Variants in COL4A4 observed in about 807,000 individuals in gnomAD.
The protein encoded by COL4A4 is collagen alpha-4(IV) chain.
Under a neutral mutation model 192.9 loss-of-function variants are expected in COL4A4, and 105 were observed. That is an observed-to-expected ratio of 0.54 (90% confidence interval 0.46 to 0.64). The LOEUF (loss-of-function observed/expected upper bound fraction) is 0.64. COL4A4 is among the 30% of genes least tolerant of loss of function. The probability of loss-of-function intolerance (pLI) is 0.00; values close to 1 mark genes in which losing one functional copy is unlikely to be tolerated. For missense variants in COL4A4, 1,967 were observed against 2,169.3 expected, an observed-to-expected ratio of 0.91 and a Z score of 1.85; for synonymous variants, 762 against 769.9, an observed-to-expected ratio of 0.99 and a Z score of 0.17.
chr2:227,138,416 G>GAGGTCAGGAGATCGAGACCATC (rs1234255463), intron 4 of COL4A4, among the ~76,000 whole-genome samples: 1 of 152,114 alleles, frequency 6.6e-6, no homozygotes, highest in African/African-American at 2.4e-5. Flanking sequence ...GGCGGATCAT[G>GAGGTCAGGAGATCGAGACCATC]AGGTCAGGAG....
At chr2:227,012,090 C>T (rs1371615011) in intron 45 of COL4A4, 91 bp downstream of exon 45, 9 of 1,004,748 alleles carry the variant, frequency 9.0e-6, no homozygotes, top group Non-Finnish European at 1.4e-5. Flanking sequence ...GAATAGGATC[C>T]AGTTTGGAAA....
At chr2:227,063,489 A>C (rs1387184846) in intron 25 of COL4A4, among the ~76,000 whole-genome samples, 1 of 152,162 alleles carries the variant, frequency 6.6e-6, no homozygotes, top group Non-Finnish European at 1.5e-5. Context: ...TTCTGTTATC[A>C]AAACAAGAAC....
chr2:227,156,751 G>A (rs1324508109), intron 1 of COL4A4, among the ~76,000 whole-genome samples: 2 of 152,064 alleles, frequency 1.3e-5, no homozygotes. Flanking sequence ...GATAGGCAGT[G>A]ACCCTTGATA....
Position 227,106,514 on chromosome 2 carries a change from C to A in COL4A4, c.735+2067G>T, listed in dbSNP as rs149603483. On this transcript the variant is annotated intron_variant, in intron 12 of 47. Coordinates refer to ENST00000396625, the MANE Select transcript of COL4A4 (RefSeq NM_000092.5). The stretch of plus-strand genomic sequence containing the variant: ...GCAGTGTTTCTTAAAATGAGGTGGG[C>A]AAACATGCTCTAGAACATCTGAGAA... Among the ~76,000 whole-genome samples, 405 of 152,266 alleles carry A rather than the reference C, an allele frequency of 2.7e-3. 3 individuals carry two copies. Among genetic ancestry groups the A allele is most frequent in the African/African-American group, 8.6e-3 (359 of 41,546 alleles).
chr2:226,992,113 A>G, the COL4A4 span, among the ~76,000 whole-genome samples: 11 of 152,346 alleles, frequency 7.2e-5, no homozygotes, highest in East Asian at 3.9e-4. Flanking sequence ...GGAGAGAGGT[A>G]GTAGATCATA....
chr2:227,000,979 T>TGTAA (rs562312111), downstream of COL4A4, among the ~76,000 whole-genome samples: 86 of 152,318 alleles, frequency 5.6e-4, 1 homozygote, highest in Middle Eastern at 6.8e-3. Flanking sequence ...CACGTGGAAT[T>TGTAA]GTAAGTCCAA....
At chr2:227,151,981 T>G (rs904316139) in intron 1 of COL4A4, among the ~76,000 whole-genome samples, 9 of 152,216 alleles carry the variant, frequency 5.9e-5, no homozygotes, top group Admixed American at 5.2e-4. Flanking sequence ...TGAACTAACA[T>G]ATATACCAAG....
At chr2:227,155,921 C>A (rs1206168854) in intron 1 of COL4A4, among the ~76,000 whole-genome samples, 1 of 152,082 alleles carries the variant, frequency 6.6e-6, no homozygotes, top group Non-Finnish European at 1.5e-5. Context: ...AGTTTGTAGC[C>A]CCTGTGAACA....
At chr2:227,107,969 G>T (rs2060958198) in intron 12 of COL4A4, among the ~76,000 whole-genome samples, 2 of 151,922 alleles carry the variant, frequency 1.3e-5, no homozygotes, top group Admixed American at 6.6e-5. Context: ...TGTTGGCCAG[G>T]ATGGTCTCAG....
At chr2:227,151,019 T>C (rs1301812660) in intron 1 of COL4A4, among the ~76,000 whole-genome samples, 2 of 152,198 alleles carry the variant, frequency 1.3e-5, no homozygotes, top group Non-Finnish European at 2.9e-5. Context: ...TACAGCATTA[T>C]TTTAGATGCA....
At chr2:227,108,476 A>C in intron 12 of COL4A4, 105 bp downstream of exon 12, 2 of 1,088,372 alleles carry the variant, frequency 1.8e-6, no homozygotes, top group Non-Finnish European at 2.8e-6. Context: ...AAAATTGGGC[A>C]GTGACTAGAT....
rs527917534 is a variant in COL4A4, at chr2:227,089,588, C to CATAT, written c.1459+276_1459+279dup. On this transcript the variant is annotated intron_variant, in intron 21 of 47. Coordinates refer to ENST00000396625, the MANE Select transcript of COL4A4 (RefSeq NM_000092.5). ...CAAAATTCATGGCAGGCAAATGTTC[C>CATAT]ATATATATATATATATATATACATA... Among the ~76,000 whole-genome samples the CATAT allele has an allele frequency of 0.025, 2,595 of 102,192 alleles. 235 individuals carry two copies. The highest frequency in any genetic ancestry group is 0.084 in the African/African-American group (2,378 of 28,386). The allele number at this position is 102,192 out of a possible 152,430, so 67.0% of individuals were successfully genotyped here.
At chr2:227,033,559 C>G (rs1247764383) in intron 37 of COL4A4, 78 bp from the exon 38 acceptor site, 1 of 1,298,058 alleles carries the variant, frequency 7.7e-7, no homozygotes, top group African/African-American at 1.5e-5. Context: ...GCAGGCACTG[C>G]CCAGCAGAGG....
chr2:227,147,263 A>G (rs2125385227), intron 2 of COL4A4, 150 bp downstream of exon 2: 1 of 787,084 alleles, frequency 1.3e-6, no homozygotes, highest in Non-Finnish European at 2.3e-6. Flanking sequence ...CAATAATAAA[A>G]ATGAGTCATG....
intron 25 of COL4A4, among the ~76,000 whole-genome samples, chr2:227,070,389 A>G (rs1198733102): frequency 1.3e-5 from 2 of 152,222 alleles, no homozygotes. Context: ...AAAGGATTAT[A>G]AATCATGCTG....
chr2:227,143,611 A>G (rs2063360870), intron 3 of COL4A4, among the ~76,000 whole-genome samples: 1 of 152,252 alleles, frequency 6.6e-6, no homozygotes, highest in South Asian at 2.1e-4. Context: ...GACTCTGCAG[A>G]CTTTTATAAC....
intron 24 of COL4A4, among the ~76,000 whole-genome samples, chr2:227,080,055 T>C (rs956710678): frequency 3.3e-5 from 5 of 152,150 alleles, no homozygotes; most frequent in Non-Finnish European, 7.4e-5. Context: ...ATGTGCATCT[T>C]CTCCAGGAAA....
intron 22 of COL4A4, among the ~76,000 whole-genome samples, chr2:227,085,484 C>A (rs1220537447): frequency 6.6e-6 from 1 of 152,120 alleles, no homozygotes; most frequent in African/African-American, 2.4e-5. Context: ...ATACCTGAGG[C>A]CGGGTAATTT....
At chr2:227,098,618 G>T in intron 19 of COL4A4, 76 bp downstream of exon 19, 1 of 1,127,262 alleles carries the variant, frequency 8.9e-7, no homozygotes, top group Non-Finnish European at 1.4e-6. Flanking sequence ...ATCAGCTACA[G>T]TTGAAAGCTA....
Sources: allele counts gnomAD v4.1 joint callset (sites outside exome capture counted in the v4.1 genomes callset), GRCh38; gene constraint gnomAD v4.1.1; transcripts MANE v1.5; gene names NCBI Gene and HGNC (gene_info 2026-07-23, HGNC 2026-07-21).